NF2: variants seen among roughly 807,000 people sequenced by gnomAD.
NF2 encodes NF2, moesin-ezrin-radixin like (MERLIN) tumor suppressor.
In NF2, 8 loss-of-function variants were observed where a neutral mutation model predicts 83.7. The observed-to-expected ratio is 0.10, with a 90% CI of 0.06 to 0.17. The LOEUF (loss-of-function observed/expected upper bound fraction) is 0.17. Ranked by LOEUF, NF2 falls within the 10% of genes least tolerant of loss-of-function variation. NF2 has a pLI of 1.00. For missense variants in NF2, 533 were observed against 744.4 expected (o/e 0.72, Z 3.31); for synonymous variants, 266 against 269.6 (o/e 0.99, Z 0.13).
chr22:29,608,020 A>G (rs1452322793), intron 1 of NF2, among the ~76,000 whole-genome samples: 1 of 151,234 alleles, frequency 6.6e-6, no homozygotes, highest in East Asian at 2.0e-4. Context: ...TAAAAATACA[A>G]AAATTAGCCA....
chr22:29,685,109 GT>G (rs2067238165), intron 15 of NF2, among the ~76,000 whole-genome samples: 1 of 151,668 alleles, frequency 6.6e-6, no homozygotes, highest in South Asian at 2.1e-4. Flanking sequence ...AAACCAGCCT[GT>G]GTTGATGTTA....
At chr22:29,626,488 T>C (rs1056892244) in intron 1 of NF2, among the ~76,000 whole-genome samples, 1 of 152,188 alleles carries the variant, frequency 6.6e-6, no homozygotes, top group African/African-American at 2.4e-5. Flanking sequence ...TATCCACTCA[T>C]GCCTGTACCT....
chr22:29,604,084 T>C lies in NF2; in HGVS notation c.86T>C (p.Met29Thr). 2.5e-6 allele frequency: 4 copies of C among 1,607,406 alleles called. No individual in the cohort carries two copies. The highest frequency in any genetic ancestry group is 4.5e-5 in the East Asian group (2 of 44,720). The change falls in exon 1 of 16, where the codon ATG becomes ACG. Residue 29 changes from methionine to threonine, a missense_variant. Physicochemically the swap from Met to Thr is moderately conservative, Grantham distance 81 (BLOSUM62 -1). Around this residue, in one of 3 missense-constraint regions of NF2, gnomAD observed 326 missense variants for 475.1 expected, o/e 0.69. Coordinates refer to ENST00000338641, the MANE Select transcript of NF2 (RefSeq NM_000268.4). The part of the protein sequence containing the change: ...PKTFTVRIVT[M>T]DAEMEFNCEM... Reference sequence around the variant, plus strand: ...ACGTTCACCGTGAGGATCGTCACCATGGACGCCGAGATGGAGTTCAATTGC... The same window carrying C: ...ACGTTCACCGTGAGGATCGTCACCACGGACGCCGAGATGGAGTTCAATTGC...
chr22:29,635,549 C>T lies in NF2; in HGVS notation c.115-1202C>T, dbSNP rs1401933139. The stretch of plus-strand genomic sequence containing the variant: ...TTCACCATGTTGGCCAGGATGGTCT[C>T]GATCTCCTGACCTCATGATTCGCCT... On this transcript the variant is annotated intron_variant, in intron 1 of 15. Transcript: ENST00000338641. Among the ~76,000 whole-genome samples the T allele has an allele frequency of 5.9e-5, 9 of 152,032 alleles. No individual in the cohort carries two copies. In the South Asian group the frequency reaches 1.5e-3, roughly 25 times the overall value.
At chr22:29,680,465 C>T (rs1457481651) in intron 14 of NF2, among the ~76,000 whole-genome samples, 1 of 152,244 alleles carries the variant, frequency 6.6e-6, no homozygotes, top group Non-Finnish European at 1.5e-5. Context: ...GACCATAGCA[C>T]TTCTTACCCT....
At chr22:29,608,030 A>G (rs2064844983) in intron 1 of NF2, among the ~76,000 whole-genome samples, 1 of 150,858 alleles carries the variant, frequency 6.6e-6, no homozygotes. Context: ...AAAATTAGCC[A>G]GGCGTGGTGG....
chr22:29,659,674 G>C (rs1569296686), intron 7 of NF2, among the ~76,000 whole-genome samples: 1 of 152,140 alleles, frequency 6.6e-6, no homozygotes, highest in Non-Finnish European at 1.5e-5. Context: ...CTCTCTCTCT[G>C]TTTAATCTCT....
chr22:29,665,833 C>T (rs1303669314), intron 9 of NF2, among the ~76,000 whole-genome samples: 1 of 151,656 alleles, frequency 6.6e-6, no homozygotes, highest in Non-Finnish European at 1.5e-5. Flanking sequence ...TTCATGTTAA[C>T]ACCCTGCTGG....
At chr22:29,668,211 T>C in intron 9 of NF2, 122 bp from the exon 10 acceptor site, 1 of 717,334 alleles carries the variant, frequency 1.4e-6, no homozygotes, top group South Asian at 1.5e-5. Flanking sequence ...TTTCACTCTA[T>C]GCATTCATCT....
intron 13 of NF2, 51 bp downstream of exon 13, chr22:29,674,992 C>T: frequency 6.8e-7 from 1 of 1,472,654 alleles, no homozygotes; most frequent in East Asian, 2.5e-5. Flanking sequence ...GTGATGTTCT[C>T]TTTCCTCCCG....
At chr22:29,662,784 C>G (rs1030318967) in intron 8 of NF2, among the ~76,000 whole-genome samples, 8 of 152,204 alleles carry the variant, frequency 5.3e-5, no homozygotes, top group Non-Finnish European at 1.2e-4. Context: ...GATGCCACAG[C>G]CCCCGCCTTT....
intron 4 of NF2, among the ~76,000 whole-genome samples, chr22:29,643,913 CG>C (rs1174892368): frequency 8.9e-4 from 132 of 148,884 alleles, no homozygotes; most frequent in Admixed American, 1.9e-3. Context: ...GCTGGCCGGG[CG>C]GGGGGCTGAC....
Position 29,696,851 on chromosome 22 carries a change from C to T in NF2, c.*2049C>T, listed in dbSNP as rs536498397. ...TTTTTTTTTGAGATGGAGTCTCGCT[C>T]TGTCGCCCAGGCTGGAGTGCAGTGT... On this transcript the variant is annotated 3_prime_UTR_variant, in exon 16 of 16. Transcript: ENST00000338641. 5.9e-6 allele frequency: 1 copy of T among 170,904 alleles called. No individual in the cohort carries two copies. Among genetic ancestry groups the T allele is most frequent in the East Asian group, 9.5e-5 (1 of 10,500 alleles). 10.6% of individuals were successfully genotyped at this position (170,904 alleles called of 1,614,324 possible). A position where few individuals can be genotyped will look rare whatever the true frequency, so the allele number is the denominator to read the frequency against.
chr22:29,622,048 A>G (rs561818501), intron 1 of NF2, among the ~76,000 whole-genome samples: 1 of 152,202 alleles, frequency 6.6e-6, no homozygotes, highest in Non-Finnish European at 1.5e-5. Flanking sequence ...GAAGCGTAAA[A>G]GAGAAGTAGG....
intron 10 of NF2, among the ~76,000 whole-genome samples, chr22:29,668,716 TGAAATA>T (rs1196158021): frequency 2.6e-5 from 4 of 152,256 alleles, no homozygotes; most frequent in African/African-American, 9.6e-5. Flanking sequence ...CAGTTTGGGA[TGAAATA>T]GCCAAGAGTG....
chr22:29,615,152 C>G (rs114937964), intron 1 of NF2, among the ~76,000 whole-genome samples: 1 of 152,160 alleles, frequency 6.6e-6, no homozygotes, highest in African/African-American at 2.4e-5. Flanking sequence ...CTACTGCACT[C>G]CAACCTGGGC....
intron 4 of NF2, among the ~76,000 whole-genome samples, chr22:29,643,861 G>C (rs1238585856): frequency 6.6e-6 from 1 of 152,028 alleles, no homozygotes; most frequent in Admixed American, 6.5e-5. Context: ...TTCCCAGTAG[G>C]GGCGGCCGGG....
At position 29,694,705 on chromosome 22, in the gene NF2, G is replaced by C. The variant is rs375848595; in HGVS notation, c.1738-47G>C. 3 of 1,600,114 alleles carry C rather than the reference G, an allele frequency of 1.9e-6. No individual in the cohort carries two copies. Among genetic ancestry groups the C allele is most frequent in the African/African-American group, 2.7e-5 (2 of 74,570 alleles). ...TGGCAGGACAGGACCCTGTGTGACAGAGCGGAGGTCTTGTGCCCTCTCAGC... is the reference window on the plus strand; with the variant it reads ...TGGCAGGACAGGACCCTGTGTGACACAGCGGAGGTCTTGTGCCCTCTCAGC... On this transcript the variant is annotated intron_variant, in intron 15 of 15. Coordinates refer to ENST00000338641, the MANE Select transcript of NF2 (RefSeq NM_000268.4). The surrounding 1 kb of genome is among the most constrained non-coding windows in gnomAD (Gnocchi z 4.1).
chr22:29,653,729 GATTTGGTGGTATATAGAA>G (rs2066220515), intron 4 of NF2, among the ~76,000 whole-genome samples: 1 of 152,166 alleles, frequency 6.6e-6, no homozygotes, highest in South Asian at 2.1e-4. Flanking sequence ...GAAATAATGA[GATTTGGTGGTATATAGAA>G]ACAGCAGCCT....
Sources: allele counts gnomAD v4.1 joint callset (sites outside exome capture counted in the v4.1 genomes callset), GRCh38; gene constraint gnomAD v4.1.1; regional missense constraint gnomAD v4.1.1; non-coding constraint Gnocchi (gnomAD v3.1); transcripts MANE v1.5; gene names NCBI Gene and HGNC (gene_info 2026-07-23, HGNC 2026-07-21).